Variants in KCNJ12 observed in about 807,000 individuals in gnomAD.
KCNJ12 encodes the protein ATP-sensitive inward rectifier potassium channel 12.
A neutral mutation model predicts 22.3 loss-of-function variants in KCNJ12; 2 were observed. The ratio of observed to expected loss-of-function variants is 0.09; its 90% confidence interval spans 0.04 to 0.28. The LOEUF (loss-of-function observed/expected upper bound fraction) is 0.28. Among genes scored for constraint, KCNJ12 ranks in the 10% least tolerant of loss-of-function variants. The probability of loss-of-function intolerance (pLI) is 1.00; values close to 1 mark genes in which losing one functional copy is unlikely to be tolerated. For synonymous variants in KCNJ12, 117 were observed against 261.4 expected, an observed-to-expected ratio of 0.45 and a Z score of 5.33; for missense variants, 155 against 633.3, an observed-to-expected ratio of 0.24 and a Z score of 8.11.
Position 21,415,969 on chromosome 17 carries a change from C to T in KCNJ12, c.627C>T (p.Leu209=). 1.2e-6 allele frequency: 2 copies of T among 1,610,724 alleles called. No homozygotes were observed. The highest frequency in any genetic ancestry group is 8.5e-7 in the Non-Finnish European group (1 of 1,179,226). ...NAVVALRDGK[L]CLMWRVGNLR... is the part of the protein sequence containing the mutation. ...TGGTGGCCCTGCGTGACGGCAAGCT[C>T]TGCCTCATGTGGCGTGTGGGTAACC... The change falls in exon 3 of 3, where the codon CTC becomes CTT. Residue 209 remains leucine, a synonymous_variant. Coordinates refer to ENST00000583088, the MANE Select transcript of KCNJ12 (RefSeq NM_021012.5).
At chr17:21,406,733 A>AGGTG (rs1476660637) in intron 1 of KCNJ12, among the ~76,000 whole-genome samples, 71 of 152,400 alleles carry the variant, frequency 4.7e-4, no homozygotes, top group African/African-American at 1.7e-3. Context: ...GAGGCTAATG[A>AGGTG]GGTGGGGGTG....
chr17:21,402,051 C>T (rs1268618038), intron 1 of KCNJ12, among the ~76,000 whole-genome samples: 985 of 152,394 alleles, frequency 6.5e-3, no homozygotes, highest in Non-Finnish European at 0.011. Flanking sequence ...GCGTGCTGCG[C>T]GTCCTCGGCC....
chr17:21,396,377 C>T (rs1332027514), intron 1 of KCNJ12, among the ~76,000 whole-genome samples: 1 of 152,202 alleles, frequency 6.6e-6, no homozygotes, highest in African/African-American at 2.4e-5. Context: ...TTGCAGACGA[C>T]GTTGATGACC....
chr17:21,398,134 C>T (rs2142059538), intron 1 of KCNJ12, among the ~76,000 whole-genome samples: 1 of 151,832 alleles, frequency 6.6e-6, no homozygotes, highest in Non-Finnish European at 1.5e-5. Context: ...TGCCTGTGTA[C>T]ATATGTGTAC....
At chr17:21,395,567 T>C (rs1905329953) in intron 1 of KCNJ12, among the ~76,000 whole-genome samples, 1 of 5,688 alleles carries the variant, frequency 1.8e-4, no homozygotes, top group Non-Finnish European at 3.2e-4. Context: ...AGACTTCTTC[T>C]CAAAAAAAAA....
intron 2 of KCNJ12, among the ~76,000 whole-genome samples, chr17:21,413,659 C>T (rs1906508795): frequency 1.3e-5 from 2 of 152,304 alleles, no homozygotes; most frequent in South Asian, 2.1e-4. Flanking sequence ...CCCTAGCTTG[C>T]AGATGCCCTA....
intron 1 of KCNJ12, among the ~76,000 whole-genome samples, chr17:21,400,896 C>T (rs1291290719): frequency 6.6e-6 from 1 of 152,284 alleles, no homozygotes; most frequent in Non-Finnish European, 1.5e-5. Context: ...GACCCGGTGG[C>T]AGCCGTCCTA....
intron 1 of KCNJ12, among the ~76,000 whole-genome samples, chr17:21,377,621 C>T (rs1197166240): frequency 1.3e-5 from 2 of 151,638 alleles, no homozygotes; most frequent in Admixed American, 1.3e-4. Context: ...CCTGGGGGAG[C>T]GGGGCGGGAA....
At chr17:21,392,672 A>C (rs1905239842) in intron 1 of KCNJ12, among the ~76,000 whole-genome samples, 1 of 152,200 alleles carries the variant, frequency 6.6e-6, no homozygotes, top group Admixed American at 6.5e-5. Flanking sequence ...GTGGGTTCAG[A>C]GAATGAGGCC....
Position 21,416,718 on chromosome 17 carries a change from T to C in KCNJ12, c.*74T>C. ...CCGCGGTCGCTCAGGGGCCCCGGGT[T>C]TGAGCAGAACGGGCCCAGTGCCCTG... On this transcript the variant is annotated 3_prime_UTR_variant, in exon 3 of 3. Transcript: ENST00000583088. 1.4e-5 allele frequency: 21 copies of C among 1,489,818 alleles called. No homozygotes were observed. The highest frequency in any genetic ancestry group is 1.8e-5 in the Non-Finnish European group (20 of 1,122,026). The allele number at this position is 1,489,818 out of a possible 1,614,324, so 92.3% of individuals were successfully genotyped here.
intron 1 of KCNJ12, among the ~76,000 whole-genome samples, chr17:21,397,747 C>T (rs1017578268): frequency 6.6e-5 from 10 of 152,176 alleles, no homozygotes; most frequent in East Asian, 1.9e-4. Context: ...GACCCCAAGC[C>T]GGAGAATCAG....
intron 1 of KCNJ12, among the ~76,000 whole-genome samples, chr17:21,403,163 A>G (rs1191436767): frequency 1.9e-4 from 29 of 152,266 alleles, no homozygotes; most frequent in African/African-American, 7.0e-4. Flanking sequence ...TGAGAGGCAG[A>G]GAAAGGCATT....
At chr17:21,381,560 C>G (rs1225572492) in intron 1 of KCNJ12, among the ~76,000 whole-genome samples, 1 of 152,084 alleles carries the variant, frequency 6.6e-6, no homozygotes, top group Non-Finnish European at 1.5e-5. Context: ...GCACATGCTG[C>G]TATCTCTGCC....
At chr17:21,402,191 C>T (rs55845097) in intron 1 of KCNJ12, among the ~76,000 whole-genome samples, 5,806 of 149,026 alleles carry the variant, frequency 0.039, no homozygotes, top group African/African-American at 0.062. Context: ...AGCCTCAAGG[C>T]CTTTGTGGCT....
chr17:21,382,202 CTAGCACT>C (rs1904891934), intron 1 of KCNJ12, among the ~76,000 whole-genome samples: 1 of 152,232 alleles, frequency 6.6e-6, no homozygotes, highest in Non-Finnish European at 1.5e-5. Flanking sequence ...GTTGTGTCCT[CTAGCACT>C]TGGCCTGCTT....
chr17:21,401,172 C>T lies in KCNJ12; in HGVS notation c.-178-7347C>T, dbSNP rs1220266454. Among the ~76,000 whole-genome samples, 6 of 152,378 alleles carry T rather than the reference C, an allele frequency of 3.9e-5. No individual in the cohort carries two copies. The East Asian group carries it at 7.7e-4, about 20-fold the overall frequency. ...CTTTGCCCGGCCCCCTTGCCTTGCCCCCAGGGTCCTTGGGCAGCCCTCCTG... is the reference window on the plus strand; with the variant it reads ...CTTTGCCCGGCCCCCTTGCCTTGCCTCCAGGGTCCTTGGGCAGCCCTCCTG... On this transcript the variant is annotated intron_variant, in intron 1 of 2. Coordinates refer to ENST00000583088, the MANE Select transcript of KCNJ12 (RefSeq NM_021012.5).
At chr17:21,377,237 C>T (rs1904688595) in intron 1 of KCNJ12, among the ~76,000 whole-genome samples, 1 of 152,014 alleles carries the variant, frequency 6.6e-6, no homozygotes, top group Non-Finnish European at 1.5e-5. Context: ...GACTGGTTTG[C>T]ACTAGGGGGC....
At chr17:21,389,218 A>G (rs1555559045) in intron 1 of KCNJ12, among the ~76,000 whole-genome samples, 1 of 152,206 alleles carries the variant, frequency 6.6e-6, no homozygotes, top group Admixed American at 6.5e-5. Flanking sequence ...GGGACTGCCC[A>G]GAGTCTTGCC....
At chr17:21,378,804 T>C (rs553595383) in intron 1 of KCNJ12, among the ~76,000 whole-genome samples, 1 of 152,092 alleles carries the variant, frequency 6.6e-6, no homozygotes, top group Admixed American at 6.5e-5. Context: ...GGGCAGGACC[T>C]GAGCTGTCAG....
Sources: gnomAD v4.1 joint callset for allele counts (sites outside exome capture counted in the v4.1 genomes callset) on GRCh38, gnomAD v4.1.1 for gene constraint, MANE v1.5 for transcripts, NCBI Gene and HGNC (gene_info 2026-07-23, HGNC 2026-07-21) for gene names.